CDH13: variants seen among roughly 807,000 people sequenced by gnomAD.
CDH13 encodes cadherin-13.
In CDH13, 24 loss-of-function variants were observed where a neutral mutation model predicts 63.8. The observed-to-expected ratio is 0.38, with a 90% CI of 0.27 to 0.53. The LOEUF is 0.53. Among genes scored for constraint, CDH13 ranks in the 20% least tolerant of loss-of-function variants. The pLI is 0.85. For synonymous variants in CDH13, 503 were observed against 355.3 expected (o/e 1.42, Z -4.67); for missense variants, 1,049 against 903.1 (o/e 1.16, Z -2.07).
chr16:82,894,665 A>G (rs192505844), intron 2 of CDH13, among the ~76,000 whole-genome samples: 1 of 149,654 alleles, frequency 6.7e-6, no homozygotes, highest in African/African-American at 2.5e-5. Flanking sequence ...AAAGAAAACA[A>G]TAATATAATT....
chr16:83,288,266 T>A (rs1189106673), intron 5 of CDH13, among the ~76,000 whole-genome samples: 2 of 152,230 alleles, frequency 1.3e-5, no homozygotes, highest in Non-Finnish European at 2.9e-5. Context: ...CCTTGAGTGC[T>A]GTGTGAGCCA....
chr16:82,669,210 C>A (rs960197972), intron 1 of CDH13, among the ~76,000 whole-genome samples: 1 of 152,182 alleles, frequency 6.6e-6, no homozygotes, highest in Non-Finnish European at 1.5e-5. Flanking sequence ...TCTCTGGTAG[C>A]CTTTGGGGCA....
At chr16:83,605,926 A>G (rs575226355) in intron 8 of CDH13, among the ~76,000 whole-genome samples, 6 of 152,200 alleles carry the variant, frequency 3.9e-5, no homozygotes, top group Non-Finnish European at 8.8e-5. Context: ...TGTAAAATGC[A>G]TCACTATGAG....
intron 13 of CDH13, among the ~76,000 whole-genome samples, chr16:83,788,625 G>T (rs1916048120): frequency 6.6e-6 from 1 of 152,080 alleles, no homozygotes; most frequent in Non-Finnish European, 1.5e-5. Flanking sequence ...CTGAGCTCTT[G>T]GGTCAAGTTA....
chr16:83,486,454 G>T, intron 6 of CDH13, 23 bp from the exon 7 acceptor site: 1 of 1,602,962 alleles, frequency 6.2e-7, no homozygotes, highest in East Asian at 2.2e-5. Flanking sequence ...ACCATTCCGT[G>T]CCTTTCTGTC....
intron 1 of CDH13, among the ~76,000 whole-genome samples, chr16:82,728,599 G>T (rs2033228785): frequency 6.6e-6 from 1 of 152,066 alleles, no homozygotes; most frequent in South Asian, 2.1e-4. Flanking sequence ...GAGCCTTCAG[G>T]GAGTCATAAT....
chr16:83,116,230 G>C (rs1448594142), intron 3 of CDH13, among the ~76,000 whole-genome samples: 2 of 152,208 alleles, frequency 1.3e-5, no homozygotes, highest in Non-Finnish European at 2.9e-5. Flanking sequence ...TGCTTTGGCA[G>C]GTGTCAGAGG....
chr16:83,114,769 C>T (rs992905389), intron 3 of CDH13, among the ~76,000 whole-genome samples: 5 of 152,112 alleles, frequency 3.3e-5, no homozygotes, highest in African/African-American at 7.2e-5. Context: ...AAACTTCAGC[C>T]CCAGGAGGCA....
At chr16:83,511,951 C>T (rs961753802) in intron 7 of CDH13, among the ~76,000 whole-genome samples, 1 of 152,116 alleles carries the variant, frequency 6.6e-6, no homozygotes, top group African/African-American at 2.4e-5. Flanking sequence ...GGGGCTTTTG[C>T]TTGGTGAATA....
At chr16:82,893,825 T>G (rs1328876829) in intron 2 of CDH13, among the ~76,000 whole-genome samples, 2 of 152,144 alleles carry the variant, frequency 1.3e-5, no homozygotes, top group Non-Finnish European at 2.9e-5. Context: ...CTTGCCTTCT[T>G]TCCATGTGAC....
At chr16:83,646,166 G>C (rs1209185559) in intron 8 of CDH13, among the ~76,000 whole-genome samples, 2 of 152,088 alleles carry the variant, frequency 1.3e-5, no homozygotes, top group Non-Finnish European at 2.9e-5. Context: ...AGACCAACCG[G>C]GGTCTGAATC....
chr16:83,735,347 C>G (rs921084676), intron 10 of CDH13: 2 of 152,224 alleles, frequency 1.3e-5, no homozygotes, highest in Admixed American at 1.3e-4. Context: ...ACTGTCCTTT[C>G]TCTTCTTCAA....
At chr16:83,625,204 ATGTGTGTGTGCACACGTGTGTCTATGTG>A (rs1427837020) in intron 8 of CDH13, among the ~76,000 whole-genome samples, 1 of 147,746 alleles carries the variant, frequency 6.8e-6, no homozygotes, top group Non-Finnish European at 1.5e-5. Flanking sequence ...GTGTGTGTGC[ATGTGTGTGTGCACACGTGTGTCTATGTG>A]TGTGTGTGTG....
intron 5 of CDH13, among the ~76,000 whole-genome samples, chr16:83,277,267 T>A (rs557953672): frequency 6.6e-6 from 1 of 152,182 alleles, no homozygotes; most frequent in South Asian, 2.1e-4. Flanking sequence ...TCTACAAATA[T>A]GTTTTCACCT....
At chr16:83,286,033 A>T (rs368698359) in intron 5 of CDH13, among the ~76,000 whole-genome samples, 1 of 152,156 alleles carries the variant, frequency 6.6e-6, no homozygotes, top group South Asian at 2.1e-4. Context: ...ATAATGGCTC[A>T]GCCATCTTTA....
intron 5 of CDH13, among the ~76,000 whole-genome samples, chr16:83,336,666 T>C (rs1242285955): frequency 4.6e-5 from 7 of 152,178 alleles, no homozygotes; most frequent in Non-Finnish European, 1.0e-4. Context: ...TGTGTGTCTG[T>C]GTTTTGCTTT....
At chr16:83,166,822 T>C (rs1029940036) in intron 4 of CDH13, among the ~76,000 whole-genome samples, 1 of 152,158 alleles carries the variant, frequency 6.6e-6, no homozygotes, top group Non-Finnish European at 1.5e-5. Flanking sequence ...TTCTTAGCAT[T>C]ATTATGAAGC....
At chr16:83,592,652 C>T (rs996533022) in intron 7 of CDH13, among the ~76,000 whole-genome samples, 2 of 152,194 alleles carry the variant, frequency 1.3e-5, no homozygotes, top group African/African-American at 4.8e-5. Context: ...CCACATATGT[C>T]TAAGAGACAG....
At chr16:82,767,820 T>C (rs1036795958) in intron 1 of CDH13, among the ~76,000 whole-genome samples, 4 of 152,186 alleles carry the variant, frequency 2.6e-5, no homozygotes, top group Admixed American at 2.6e-4. Flanking sequence ...GGTCATAAAC[T>C]AAGGAAGAGT....
Sources: gnomAD v4.1 joint callset for allele counts (sites outside exome capture counted in the v4.1 genomes callset) on GRCh38, gnomAD v4.1.1 for gene constraint, MANE v1.5 for transcripts, NCBI Gene and HGNC (gene_info 2026-07-23, HGNC 2026-07-21) for gene names.